LIG3: variants seen among roughly 807,000 people sequenced by gnomAD.
LIG3 encodes DNA ligase 3.
Under a neutral mutation model 110.9 loss-of-function variants are expected in LIG3, and 58 were observed. The ratio of observed to expected loss-of-function variants is 0.52; its 90% confidence interval spans 0.42 to 0.65. The LOEUF (loss-of-function observed/expected upper bound fraction) is 0.65, where lower values mean the gene tolerates loss of function less well. Ranked by LOEUF, LIG3 falls within the 30% of genes least tolerant of loss-of-function variation. LIG3 has a pLI of 0.00. For missense variants in LIG3, 1,094 were observed against 1,273.8 expected (o/e 0.86, Z 2.15); for synonymous variants, 422 against 472.8 (o/e 0.89, Z 1.39).
At chr17:35,003,052 A>G in intron 19 of LIG3, 3 of 1,614,154 alleles carry the variant, frequency 1.9e-6, no homozygotes, top group Non-Finnish European at 2.5e-6. Flanking sequence ...GAGATAGAAC[A>G]GCCCGGCCTA....
intron 4 of LIG3, 82 bp downstream of exon 4, chr17:34,989,745 A>T: frequency 7.7e-7 from 1 of 1,304,234 alleles, no homozygotes; most frequent in Non-Finnish European, 1.1e-6. Flanking sequence ...TGAGCTGTAT[A>T]GTTGCCCGGG....
intron 3 of LIG3, among the ~76,000 whole-genome samples, chr17:34,986,593 A>C (rs1466917811): frequency 6.6e-6 from 1 of 152,174 alleles, no homozygotes; most frequent in African/African-American, 2.4e-5. Context: ...AAGTGCTGGG[A>C]TTGCAGGCGT....
intron 12 of LIG3, 108 bp downstream of exon 12, chr17:34,997,933 C>A: frequency 1.2e-6 from 1 of 849,260 alleles, no homozygotes; most frequent in Non-Finnish European, 2.0e-6. Context: ...TCTTATGGAG[C>A]CTCCTGATAA....
intron 13 of LIG3, 35 bp downstream of exon 13, chr17:34,998,331 C>CA: frequency 6.4e-7 from 1 of 1,563,496 alleles, no homozygotes; most frequent in Non-Finnish European, 8.8e-7. Flanking sequence ...CCTGTCGACT[C>CA]ACTCGCAGCC....
intron 2 of LIG3, 145 bp downstream of exon 2, chr17:34,983,697 T>C (rs1567685201): frequency 2.4e-6 from 2 of 831,410 alleles, no homozygotes; most frequent in Admixed American, 2.9e-5. Context: ...TGTTTAATGT[T>C]GCATTCGTAG....
rs556444691 is a variant in LIG3 at position 34,991,065 on chromosome 17, G to T, written c.992G>T (p.Ser331Ile). The T allele has an allele frequency of 3.7e-5, 59 of 1,614,188 alleles. No individual in the cohort carries two copies. Among genetic ancestry groups the T allele is most frequent in the Non-Finnish European group, 5.0e-5 (59 of 1,180,038 alleles). Residue 331 changes from serine to isoleucine, a missense_variant, in exon 5 of 20, where the codon AGT (serine) becomes ATT (isoleucine). Physicochemically the swap from Ser to Ile is moderately radical, Grantham distance 142. Transcript: ENST00000378526. ...GATAAGCAGATTGTGAAGCTTTTCA[G>T]TCGCATTTTTAACTGCAACCCAGAT... ...LNDKQIVKLF[S>I]RIFNCNPDDM...
intron 1 of LIG3, 98 bp downstream of exon 1, chr17:34,980,720 C>A: frequency 2.9e-5 from 19 of 663,970 alleles, no homozygotes; most frequent in Non-Finnish European, 3.5e-5. Context: ...GGAGCCAGCC[C>A]CCCGGCTCCT....
In LIG3 at chr17:35,005,184, A is replaced by C; in HGVS notation, c.*678A>C. The C allele has an allele frequency of 1.7e-5, 7 of 405,736 alleles. No individual in the cohort carries two copies. Among genetic ancestry groups the C allele is most frequent in the South Asian group, 1.3e-4 (7 of 54,130 alleles). 25.1% of individuals were successfully genotyped at this position (405,736 alleles called of 1,614,324 possible). Reference sequence around the variant, plus strand: ...GAGGTTATTTGGGCCACTCCTCTGGAGGGATAGAGGGCTCCAGGAAGATCT... The same window carrying C: ...GAGGTTATTTGGGCCACTCCTCTGGCGGGATAGAGGGCTCCAGGAAGATCT... On this transcript the variant is annotated 3_prime_UTR_variant, in exon 20 of 20. Coordinates refer to ENST00000378526, the MANE Select transcript of LIG3 (RefSeq NM_013975.4).
intron 11 of LIG3, chr17:34,997,423 G>A (rs1329889050): frequency 1.0e-5 from 3 of 287,640 alleles, no homozygotes; most frequent in East Asian, 6.6e-5. Context: ...AATGAGAGTT[G>A]GAGTCGTATT....
At position 34,983,145 on chromosome 17, in the gene LIG3, A is replaced by AT; in HGVS notation, c.141dup (p.Pro48SerfsTer40). ...TCAGAAACAGATCTGCTTCATGGAC[A>AT]TCCCCTCTTCCTGAGAAGAAAGCCT... On this transcript the variant is annotated frameshift_variant, in exon 2 of 20. Transcript: ENST00000378526. LOFTEE classifies it high-confidence loss of function. 1 of 1,614,190 alleles carries AT rather than the reference A, an allele frequency of 6.2e-7. No individual in the cohort carries two copies. The highest frequency in any genetic ancestry group is 1.3e-5 in the African/African-American group (1 of 75,032).
chr17:34,992,072 T>G (rs1219432316), intron 7 of LIG3, 37 bp downstream of exon 7: 9 of 1,568,578 alleles, frequency 5.7e-6, no homozygotes, highest in Non-Finnish European at 7.9e-6. Flanking sequence ...GAGCTGTCAT[T>G]TGTTAGCTTT....
chr17:35,004,401 C>T lies in LIG3; in HGVS notation c.2925C>T (p.Ala975=), dbSNP rs769788215. The T allele has an allele frequency of 2.5e-6, 4 of 1,614,186 alleles. No homozygotes were observed. ...DLVQEFDMTS[A]THVLGSRDKN... is the part of the protein sequence containing the mutation. Reference sequence around the variant, plus strand: ...TACAGGAATTTGATATGACTTCAGCCACGCACGTGCTGGGTAGCAGGGACA... The same window carrying T: ...TACAGGAATTTGATATGACTTCAGCTACGCACGTGCTGGGTAGCAGGGACA... Residue 975 remains alanine (A), a synonymous_variant, in exon 20 of 20, where the codon GCC becomes GCT. Transcript: ENST00000378526.
chr17:35,000,622 T>G (rs1222029937), intron 16 of LIG3, among the ~76,000 whole-genome samples: 1 of 144,918 alleles, frequency 6.9e-6, no homozygotes, highest in Non-Finnish European at 1.5e-5. Context: ...TTTTTTTTTT[T>G]TTTTTTTTTT....
intron 3 of LIG3, among the ~76,000 whole-genome samples, chr17:34,988,645 G>A (rs928182025): frequency 2.6e-5 from 4 of 152,108 alleles, no homozygotes; most frequent in African/African-American, 9.7e-5. Context: ...TTGTAAAAAT[G>A]TATTATTTTT....
Position 34,992,833 on chromosome 17 carries a change from G to A in LIG3, c.1455+141G>A, listed in dbSNP as rs78135810. 4.4e-4 allele frequency: 366 copies of A among 833,214 alleles called. 3 individuals are homozygous for A. The African/African-American group carries it at 5.6e-3, about 13-fold the overall frequency. 51.6% of individuals were successfully genotyped at this position (833,214 alleles called of 1,614,324 possible). ...AGGGAAGGAAGAGGGAGGTGCAAGG[G>A]GGTATTTCTCTGTAGGAGGCGAAGG... On this transcript the variant is annotated intron_variant, in intron 8 of 19. Coordinates refer to ENST00000378526, the MANE Select transcript of LIG3 (RefSeq NM_013975.4).
chr17:34,985,744 G>T (rs1013424226), intron 2 of LIG3, among the ~76,000 whole-genome samples: 1 of 152,166 alleles, frequency 6.6e-6, no homozygotes, highest in African/African-American at 2.4e-5. Flanking sequence ...GAAAATTTAA[G>T]GTACTAATAG....
At chr17:34,996,817 G>A (rs1183938903) in intron 11 of LIG3, among the ~76,000 whole-genome samples, 164 bp downstream of exon 11, 1 of 152,206 alleles carries the variant, frequency 6.6e-6, no homozygotes, top group African/African-American at 2.4e-5. Context: ...AGAGGGAGCT[G>A]AGAGGAAGCA....
At chr17:34,999,964 G>C in intron 16 of LIG3, 108 bp downstream of exon 16, 1 of 840,634 alleles carries the variant, frequency 1.2e-6, no homozygotes, top group Non-Finnish European at 1.9e-6. Context: ...CCAGGGATAG[G>C]GGTCTGGATT....
At chr17:35,000,608 C>CTTTTTT (rs57663136) in intron 16 of LIG3, among the ~76,000 whole-genome samples, 18 of 80,420 alleles carry the variant, frequency 2.2e-4, no homozygotes, top group South Asian at 2.1e-3. Context: ...TTGGGAGATA[C>CTTTTTT]TTTTTTTTTT....
Sources: allele counts gnomAD v4.1 joint callset (sites outside exome capture counted in the v4.1 genomes callset), GRCh38; gene constraint gnomAD v4.1.1; transcripts MANE v1.5; gene names NCBI Gene and HGNC (gene_info 2026-07-23, HGNC 2026-07-21).